The following PAGE2B variants were observed in gnomAD, a reference collection of about 807,000 sequenced individuals.
The protein encoded by PAGE2B is PAGE family member 2B, also known as putative G antigen family E member 3.
PAGE2B carries 5 observed loss-of-function variants against 7.6 expected under a neutral mutation model. The ratio of observed to expected loss-of-function variants is 0.66; its 90% confidence interval spans 0.34 to 1.38. The LOEUF (loss-of-function observed/expected upper bound fraction) is 1.38, where lower values mean the gene tolerates loss of function less well. Among genes scored for constraint, PAGE2B ranks in the 40% most tolerant of loss-of-function variants. PAGE2B has a pLI of 0.04. For missense variants in PAGE2B, 70 were observed against 78.4 expected (o/e 0.89, Z 0.41); for synonymous variants, 29 against 26.7 (o/e 1.09, Z -0.27).
chrX:55,071,665 C>A (rs185082385), upstream of PAGE2B, among the ~76,000 whole-genome samples: 345 of 112,010 alleles, frequency 3.1e-3, 4 homozygotes, highest in African/African-American at 0.011. Context: ...ATTCCATTCT[C>A]CCTGTTACTT....
the PAGE2B span, among the ~76,000 whole-genome samples, chrX:55,062,388 G>T: frequency 8.9e-6 from 1 of 111,809 alleles, no homozygotes; most frequent in African/African-American, 3.2e-5. Flanking sequence ...TTTGCTATTT[G>T]TATGTCTTCT....
At position 55,076,663 on chromosome X, in the gene PAGE2B, C is replaced by A; in HGVS notation, c.179C>A (p.Ala60Glu). 1 of 1,205,005 alleles carries A rather than the reference C, an allele frequency of 8.3e-7. No individual in the cohort carries two copies. The highest frequency in any genetic ancestry group is 1.1e-6 in the Non-Finnish European group (1 of 892,265). Residue 60 changes from alanine to glutamate, a missense_variant, in exon 3 of 5, where the codon GCA becomes GAA. Ala to Glu is a moderately radical substitution (Grantham distance 107). Coordinates refer to ENST00000374971, the MANE Select transcript of PAGE2B (RefSeq NM_001015038.3). ...AGTGGGGAGATCGAAAATGAAGGAG[C>A]ACCTGCCGTTCAAGGTGAAGGGAGA... ...APSGEIENEG[A>E]PAVQGPDMEA...
chrX:55,037,827 C>T, the PAGE2B span, among the ~76,000 whole-genome samples: 1 of 99,345 alleles, frequency 1.0e-5, no homozygotes, highest in Non-Finnish European at 2.0e-5. Context: ...CGCATGTTCT[C>T]ACTCATAGGT....
chrX:55,063,206 A>T, the PAGE2B span, among the ~76,000 whole-genome samples: 1 of 111,500 alleles, frequency 9.0e-6, no homozygotes, highest in East Asian at 2.8e-4. Context: ...GACATTTAAA[A>T]ATATTGATTT....
the PAGE2B span, among the ~76,000 whole-genome samples, chrX:55,033,735 T>C: frequency 2.7e-5 from 3 of 112,187 alleles, no homozygotes; most frequent in Non-Finnish European, 5.6e-5. Flanking sequence ...TTGAATAGAC[T>C]TCGGTGACTT....
upstream of PAGE2B, among the ~76,000 whole-genome samples, chrX:55,071,139 T>C (rs1936444706): frequency 8.9e-6 from 1 of 111,929 alleles, no homozygotes; most frequent in Non-Finnish European, 1.9e-5. Flanking sequence ...TGTTGGTCTT[T>C]ACGATTAGTT....
At chrX:55,077,317 T>G in intron 3 of PAGE2B, 82 bp from the exon 4 acceptor site, 1 of 1,177,526 alleles carries the variant, frequency 8.5e-7, no homozygotes, top group African/African-American at 1.8e-5. Flanking sequence ...TACTTCATAA[T>G]GATGAGGGAA....
chrX:55,059,576 GCTAA>G, the PAGE2B span, among the ~76,000 whole-genome samples: 1 of 111,622 alleles, frequency 9.0e-6, no homozygotes, highest in African/African-American at 3.2e-5. Context: ...ATTAAATCAA[GCTAA>G]CTAATGTATC....
the PAGE2B span, among the ~76,000 whole-genome samples, chrX:55,036,440 T>C: frequency 9.0e-6 from 1 of 111,376 alleles, no homozygotes; most frequent in Non-Finnish European, 1.9e-5. Context: ...TGTGGGTTTG[T>C]CATAGATAGC....
chrX:55,076,626 G>A lies in PAGE2B; in HGVS notation c.142G>A (p.Gly48Ser), dbSNP rs751210421. 8.3e-7 allele frequency: 1 copy of A among 1,205,473 alleles called. No individual in the cohort carries two copies. Among genetic ancestry groups the A allele is most frequent in the African/African-American group, 1.8e-5 (1 of 56,451 alleles). The change falls in exon 3 of 5, where the codon GGT (glycine) becomes AGT (serine). Residue 48 changes from glycine to serine, a missense_variant. Gly to Ser is a moderately conservative substitution (Grantham distance 56). Coordinates refer to ENST00000374971, the MANE Select transcript of PAGE2B (RefSeq NM_001015038.3). ...QEEEPPTDNQGIAPSGEIENE... is the reference protein window; with the variant it reads ...QEEEPPTDNQSIAPSGEIENE... ...AGAGGAACCACCAACTGATAATCAG[G>A]GTATTGCACCTAGTGGGGAGATCGA...
At chrX:55,071,878 G>A (rs1361355417), upstream of PAGE2B, among the ~76,000 whole-genome samples, 3 of 111,994 alleles carry the variant, frequency 2.7e-5, no homozygotes, top group Non-Finnish European at 5.6e-5. Context: ...TCATGAAGAT[G>A]TAGTCCTCTG....
the PAGE2B span, among the ~76,000 whole-genome samples, chrX:55,053,503 C>G: frequency 8.9e-6 from 1 of 112,090 alleles, no homozygotes. Context: ...GCACATCCTG[C>G]ACATGTATCC....
chrX:55,071,316 T>G (rs1936447145), upstream of PAGE2B, among the ~76,000 whole-genome samples: 1 of 111,230 alleles, frequency 9.0e-6, no homozygotes, highest in African/African-American at 3.3e-5. Context: ...GAGGCTTCGT[T>G]TGGCTGGGTA....
upstream of PAGE2B, among the ~76,000 whole-genome samples, chrX:55,074,744 G>T (rs188356046): frequency 0.018 from 2,008 of 112,570 alleles, 32 homozygotes; most frequent in East Asian, 0.06. Context: ...TGATGGTGAA[G>T]TTTTCTGAAA....
chrX:55,062,143 T>A, the PAGE2B span, among the ~76,000 whole-genome samples: 1 of 111,539 alleles, frequency 9.0e-6, no homozygotes, highest in Non-Finnish European at 1.9e-5. Context: ...GTATGGTAGC[T>A]CTATTTTTAG....
the PAGE2B span, among the ~76,000 whole-genome samples, chrX:55,067,515 C>T: frequency 6.3e-5 from 7 of 111,660 alleles, no homozygotes; most frequent in African/African-American, 2.0e-4. Context: ...AATAAACATA[C>T]GTGTGCATGT....
At chrX:55,035,994 T>G in the PAGE2B span, among the ~76,000 whole-genome samples, 1 of 111,742 alleles carries the variant, frequency 8.9e-6, no homozygotes, top group Non-Finnish European at 1.9e-5. Flanking sequence ...GGTTTGTAGT[T>G]CTCCTTGAAG....
chrX:55,074,734 T>A (rs1936484439), upstream of PAGE2B, among the ~76,000 whole-genome samples: 1 of 112,796 alleles, frequency 8.9e-6, no homozygotes, highest in South Asian at 3.6e-4. Context: ...TTTATTTCTA[T>A]GATGGTGAAG....
At chrX:55,041,078 CTTT>C in the PAGE2B span, among the ~76,000 whole-genome samples, 1 of 82,154 alleles carries the variant, frequency 1.2e-5, no homozygotes, top group Admixed American at 1.3e-4. Flanking sequence ...TTCAATAATT[CTTT>C]TTTTTTTTTT....
Sources: allele counts gnomAD v4.1 joint callset (sites outside exome capture counted in the v4.1 genomes callset), GRCh38; gene constraint gnomAD v4.1.1; transcripts MANE v1.5; gene names NCBI Gene and HGNC (gene_info 2026-07-23, HGNC 2026-07-21).